Variants in COL25A1 observed in about 807,000 individuals in gnomAD.
COL25A1 encodes the protein collagen type XXV alpha 1 chain.
A neutral mutation model predicts 128.4 loss-of-function variants in COL25A1; 103 were observed. That is an observed-to-expected ratio of 0.80 (90% CI 0.68 to 0.94). The LOEUF (loss-of-function observed/expected upper bound fraction) is 0.94. Among genes scored for constraint, COL25A1 ranks in the 40% least tolerant of loss-of-function variants. The pLI, the probability that COL25A1 is intolerant of heterozygous loss-of-function variation, is 0.00. For missense variants in COL25A1, 745 were observed against 840.0 expected, an observed-to-expected ratio of 0.89 and a Z score of 1.40; for synonymous variants, 279 against 277.2, an observed-to-expected ratio of 1.01 and a Z score of -0.06.
At chr4:109,197,330 A>ATATATATATAT (rs547046886) in intron 3 of COL25A1, among the ~76,000 whole-genome samples, 9 of 134,802 alleles carry the variant, frequency 6.7e-5, no homozygotes, top group East Asian at 2.0e-4. Context: ...TGTCTCAAGT[A>ATATATATATAT]TATATATATA....
chr4:109,272,916 CG>C (rs1465633840), intron 3 of COL25A1, among the ~76,000 whole-genome samples: 2 of 152,006 alleles, frequency 1.3e-5, no homozygotes, highest in African/African-American at 4.8e-5. Context: ...GTATTAAGTA[CG>C]GTGTCAAGTG....
At chr4:109,084,343 G>T (rs947969657) in intron 3 of COL25A1, among the ~76,000 whole-genome samples, 2 of 152,036 alleles carry the variant, frequency 1.3e-5, no homozygotes, top group Non-Finnish European at 2.9e-5. Context: ...AATTAAGGCC[G>T]CAGTATTAAT....
intron 19 of COL25A1, among the ~76,000 whole-genome samples, chr4:108,875,712 G>T (rs1447557708): frequency 6.6e-6 from 1 of 152,152 alleles, no homozygotes; most frequent in Non-Finnish European, 1.5e-5. Context: ...TCATTACTGG[G>T]TATATACCCA....
rs976112789 is a variant in COL25A1, at chr4:108,817,778, G to C, written c.1924-343C>G. ...TAATTCCATTAAAACACATCTCACT[G>C]GTATCTCTATTACGTAAACCAAAAT... On this transcript the variant is annotated intron_variant, in intron 36 of 37. Transcript: ENST00000399132. 3.9e-5 allele frequency among the ~76,000 whole-genome samples: 6 copies of C among 151,936 alleles called. No individual in the cohort carries two copies. The South Asian group carries it at 1.2e-3, about 32-fold the overall frequency.
chr4:108,889,879 A>G (rs890806312), intron 16 of COL25A1, 146 bp from the exon 17 acceptor site: 2 of 640,824 alleles, frequency 3.1e-6, no homozygotes, highest in African/African-American at 3.7e-5. Context: ...CTTTGTACCA[A>G]CATCTCAGCT....
chr4:109,144,800 G>A (rs989826703), intron 3 of COL25A1, among the ~76,000 whole-genome samples: 5 of 150,766 alleles, frequency 3.3e-5, no homozygotes, highest in African/African-American at 7.5e-5. Flanking sequence ...CTCAGGAGCC[G>A]TTAGCATTTC....
Position 108,817,443 on chromosome 4 carries a change from A to G in COL25A1, c.1924-8T>C. 6.2e-7 allele frequency: 1 copy of G among 1,612,802 alleles called. No individual in the cohort carries two copies. On this transcript the variant is annotated splice_polypyrimidine_tract_variant and splice_region_variant and intron_variant, in intron 36 of 37. Transcript: ENST00000399132. Reference sequence around the variant, plus strand: ...GGGTAAGCCATCTGGCCCCTGTTTTAAAGAGAAGAAAAAGAATTCCTCAGG... The same window carrying G: ...GGGTAAGCCATCTGGCCCCTGTTTTGAAGAGAAGAAAAAGAATTCCTCAGG...
rs1228275711 is a variant in COL25A1 at position 109,081,040 on chromosome 4, G to C, written c.368-30861C>G. On this transcript the variant is annotated intron_variant, in intron 3 of 37. Coordinates refer to ENST00000399132, the MANE Select transcript of COL25A1 (RefSeq NM_198721.4). ...TAACCTGCGCAAGGTCACATTGCTG[G>C]CGAGTAGGGTCACTGGGAGAATTCA... is the stretch of plus-strand genomic sequence containing the variant. Among the ~76,000 whole-genome samples the C allele has an allele frequency of 2.0e-5, 3 of 152,284 alleles. No homozygotes were observed. In the East Asian group the frequency reaches 5.8e-4, roughly 29 times the overall value.
chr4:109,253,945 G>A (rs1001959375), intron 3 of COL25A1, among the ~76,000 whole-genome samples: 5 of 151,942 alleles, frequency 3.3e-5, no homozygotes, highest in Admixed American at 2.0e-4. Context: ...AAATTATCCC[G>A]GTGCGGTGGC....
At chr4:108,848,699 C>A in intron 27 of COL25A1, 60 bp downstream of exon 27, 1 of 1,231,540 alleles carries the variant, frequency 8.1e-7, no homozygotes, top group East Asian at 2.3e-5. Context: ...TTCAAACCTA[C>A]AATAAAAGTA....
At chr4:109,239,128 C>T (rs551399261) in intron 3 of COL25A1, among the ~76,000 whole-genome samples, 17 of 151,800 alleles carry the variant, frequency 1.1e-4, no homozygotes, top group Non-Finnish European at 2.4e-4. Flanking sequence ...TAAAAGAATA[C>T]GGTCATCTTT....
Position 108,811,605 on chromosome 4 carries a change from A to G in COL25A1, c.*2322T>C, listed in dbSNP as rs1730798253. On this transcript the variant is annotated 3_prime_UTR_variant, in exon 38 of 38. Transcript: ENST00000399132. ...ACTGTAGTTTGTTTTCCTGAAGAGA[A>G]TGTAGTTCCACCCACTTCAGTTCAT... The G allele has an allele frequency of 6.6e-6, 1 of 152,104 alleles. No individual in the cohort carries two copies. Among genetic ancestry groups the G allele is most frequent in the Admixed American group, 6.6e-5 (1 of 15,262 alleles). 9.4% of individuals were successfully genotyped at this position (152,104 alleles called of 1,614,324 possible).
intron 19 of COL25A1, among the ~76,000 whole-genome samples, chr4:108,877,907 G>A (rs1467292670): frequency 6.6e-6 from 1 of 152,104 alleles, no homozygotes; most frequent in Admixed American, 6.5e-5. Flanking sequence ...TATTTCAGGT[G>A]ACCTTATTTT....
At chr4:108,820,540 T>C (rs1731669448) in intron 35 of COL25A1, among the ~76,000 whole-genome samples, 1 of 152,220 alleles carries the variant, frequency 6.6e-6, no homozygotes, top group Non-Finnish European at 1.5e-5. Flanking sequence ...GCAAATACTT[T>C]CCTTATTAAG....
chr4:108,835,172 T>G (rs1489059168), intron 31 of COL25A1, among the ~76,000 whole-genome samples: 7 of 152,254 alleles, frequency 4.6e-5, no homozygotes, highest in Admixed American at 2.0e-4. Context: ...CTTTGAACTC[T>G]AGGCTACAAA....
intron 30 of COL25A1, among the ~76,000 whole-genome samples, chr4:108,842,957 C>T (rs985565824): frequency 5.9e-5 from 9 of 151,866 alleles, no homozygotes; most frequent in African/African-American, 2.2e-4. Context: ...ACAGCTTGGG[C>T]AATGTGGTGA....
chr4:109,098,979 C>G (rs1486937171), intron 3 of COL25A1, among the ~76,000 whole-genome samples: 1 of 152,178 alleles, frequency 6.6e-6, no homozygotes, highest in East Asian at 1.9e-4. Context: ...AAAGCTCAGT[C>G]TCCTTATCTA....
chr4:109,040,213 A>G (rs1759753136), intron 5 of COL25A1, among the ~76,000 whole-genome samples: 1 of 152,210 alleles, frequency 6.6e-6, no homozygotes, highest in Admixed American at 6.5e-5. Context: ...GATTCTTTCC[A>G]CATTATAGTC....
chr4:109,171,720 A>G (rs934698375), intron 3 of COL25A1, among the ~76,000 whole-genome samples: 9 of 152,196 alleles, frequency 5.9e-5, no homozygotes, highest in Admixed American at 4.6e-4. Context: ...CTGACATGTA[A>G]TTGGTGTTCA....
Sources: gnomAD v4.1 joint callset for allele counts (sites outside exome capture counted in the v4.1 genomes callset) on GRCh38, gnomAD v4.1.1 for gene constraint, MANE v1.5 for transcripts, NCBI Gene and HGNC (gene_info 2026-07-23, HGNC 2026-07-21) for gene names.